Variants in KAZN observed in about 807,000 individuals in gnomAD.
KAZN encodes kazrin, periplakin interacting protein, also known as kazrin.
In KAZN, 40 loss-of-function variants were observed where a neutral mutation model predicts 87.4. The observed-to-expected ratio is 0.46, with a 90% CI of 0.36 to 0.60. The LOEUF is 0.60. KAZN is among the 20% of genes least tolerant of loss of function. KAZN has a pLI of 0.00. For missense variants in KAZN, 898 were observed against 1,073.9 expected, an observed-to-expected ratio of 0.84 and a Z score of 2.29; for synonymous variants, 466 against 458.3, an observed-to-expected ratio of 1.02 and a Z score of -0.22.
At chr1:14,189,352 G>A (rs1646376951) in intron 2 of KAZN, among the ~76,000 whole-genome samples, 1 of 152,138 alleles carries the variant, frequency 6.6e-6, no homozygotes, top group African/African-American at 2.4e-5. Context: ...AAAACAAAGA[G>A]GAGCTCATGA....
intron 2 of KAZN, among the ~76,000 whole-genome samples, chr1:14,444,623 T>C (rs1027715361): frequency 9.2e-5 from 14 of 152,268 alleles, no homozygotes; most frequent in African/African-American, 3.1e-4. Context: ...CGATTCTTTT[T>C]TCTGCTCTAT....
intron 3 of KAZN, among the ~76,000 whole-genome samples, chr1:15,042,523 T>G (rs368395900): frequency 1.9e-4 from 29 of 152,132 alleles, no homozygotes; most frequent in African/African-American, 6.3e-4. Context: ...GGGAGCCCAG[T>G]CCTGTGCAGA....
intron 2 of KAZN, among the ~76,000 whole-genome samples, chr1:14,583,655 G>A (rs1675683757): frequency 2.0e-5 from 3 of 152,192 alleles, no homozygotes; most frequent in Admixed American, 1.3e-4. Flanking sequence ...GCAGCAGAGG[G>A]TGATAGCTGG....
intron 2 of KAZN, among the ~76,000 whole-genome samples, chr1:14,299,008 G>C (rs1257434917): frequency 1.3e-5 from 2 of 152,126 alleles, no homozygotes; most frequent in Non-Finnish European, 2.9e-5. Context: ...GGTGGCAGGT[G>C]GCGTGGCTAT....
At chr1:14,633,929 G>T (rs985363799) in intron 1 of KAZN, among the ~76,000 whole-genome samples, 2 of 152,048 alleles carry the variant, frequency 1.3e-5, no homozygotes, top group Admixed American at 1.3e-4. Context: ...GGAGAGAGAT[G>T]AAAAATACCA....
At chr1:14,743,491 A>G (rs1644172826) in intron 1 of KAZN, among the ~76,000 whole-genome samples, 1 of 152,156 alleles carries the variant, frequency 6.6e-6, no homozygotes, top group South Asian at 2.1e-4. Flanking sequence ...TCACTGCAAC[A>G]GTGAGACTGA....
chr1:14,413,667 A>G (rs1664504007), intron 2 of KAZN, among the ~76,000 whole-genome samples: 1 of 151,218 alleles, frequency 6.6e-6, no homozygotes, highest in Non-Finnish European at 1.5e-5. Flanking sequence ...ACCTCTTGGT[A>G]GAGAATTGCT....
At chr1:14,326,372 T>A (rs76912197) in intron 2 of KAZN, among the ~76,000 whole-genome samples, 7,999 of 152,186 alleles carry the variant, frequency 0.053, 343 homozygotes, top group East Asian at 0.14. Context: ...CAAAATATTA[T>A]TATATCCAGA....
intron 2 of KAZN, among the ~76,000 whole-genome samples, chr1:14,961,593 T>A (rs1663875022): frequency 6.6e-6 from 1 of 152,178 alleles, no homozygotes; most frequent in South Asian, 2.1e-4. Context: ...AACCTGTCAG[T>A]GGACTCCACA....
intron 1 of KAZN, among the ~76,000 whole-genome samples, chr1:13,919,509 CA>C (rs1639985007): frequency 6.6e-6 from 1 of 152,200 alleles, no homozygotes; most frequent in South Asian, 2.1e-4. Context: ...CATGACAATG[CA>C]TTCTTTTCCA....
intron 1 of KAZN, among the ~76,000 whole-genome samples, chr1:14,904,636 A>T (rs1656304632): frequency 6.6e-6 from 1 of 152,238 alleles, no homozygotes; most frequent in South Asian, 2.1e-4. Context: ...AGGTCTCACC[A>T]CCAGGTACAA....
chr1:14,386,527 A>G (rs1431261564), intron 2 of KAZN, among the ~76,000 whole-genome samples: 1 of 150,698 alleles, frequency 6.6e-6, no homozygotes, highest in African/African-American at 2.5e-5. Context: ...AAAATCTCTC[A>G]GCATTTGCTT....
rs571147347 is a variant in KAZN, at chr1:14,546,434, C to T, written c.250-52549C>T. 4.5e-4 allele frequency among the ~76,000 whole-genome samples: 68 copies of T among 151,056 alleles called. 1 individual carries two copies. The highest frequency in any genetic ancestry group is 3.4e-3 in the Middle Eastern group (1 of 292). ...CTGTCAACTAGTTTAATGTGAGGGC[C>T]TTTTTTTTTCCATCCTTTATGGGGG... On this transcript the variant is annotated intron_variant, in intron 2 of 16. Coordinates refer to the KAZN transcript ENST00000636203.
chr1:14,725,927 A>G (rs1317564899), intron 1 of KAZN, among the ~76,000 whole-genome samples: 2 of 152,152 alleles, frequency 1.3e-5, no homozygotes, highest in African/African-American at 4.8e-5. Context: ...TAGGGGAGGG[A>G]AGCGGATGGG....
chr1:13,928,228 T>C (rs1640360734), intron 1 of KAZN, among the ~76,000 whole-genome samples: 1 of 152,244 alleles, frequency 6.6e-6, no homozygotes, highest in African/African-American at 2.4e-5. Context: ...CTTTCTCATA[T>C]AGTTAAGAAA....
intron 2 of KAZN, among the ~76,000 whole-genome samples, chr1:14,195,868 A>T (rs1469926862): frequency 6.6e-6 from 1 of 152,186 alleles, no homozygotes; most frequent in African/African-American, 2.4e-5. Flanking sequence ...CCTAGGCGGG[A>T]GAGATAAAAA....
intron 1 of KAZN, among the ~76,000 whole-genome samples, chr1:14,609,606 AC>A (rs1677652003): frequency 6.6e-6 from 1 of 152,300 alleles, no homozygotes; most frequent in Non-Finnish European, 1.5e-5. Context: ...GATGCTCAGC[AC>A]CCTTTTTTCA....
chr1:14,175,733 T>C (rs1646058914), intron 1 of KAZN, among the ~76,000 whole-genome samples: 1 of 152,166 alleles, frequency 6.6e-6, no homozygotes, highest in Non-Finnish European at 1.5e-5. Context: ...GTTTTGTTAA[T>C]AGTAATGTCT....
In KAZN at chr1:15,081,279, C is replaced by A. The variant is rs1014352868; in HGVS notation, c.1223-12901C>A. Reference sequence around the variant, plus strand: ...AACTCCACGTCCAGTGACAGCCTGCCGGTCACTGAAATTGGCCACAATAGG... The same window carrying A: ...AACTCCACGTCCAGTGACAGCCTGCAGGTCACTGAAATTGGCCACAATAGG... On this transcript the variant is annotated intron_variant, in intron 8 of 14. Coordinates refer to ENST00000376030, the MANE Select transcript of KAZN (RefSeq NM_201628.3). The surrounding 1 kb of genome is among the most constrained non-coding windows in gnomAD (Gnocchi z 4.1). Among the ~76,000 whole-genome samples the A allele has an allele frequency of 6.6e-6, 1 of 152,196 alleles. No homozygotes were observed. The highest frequency in any genetic ancestry group is 2.4e-5 in the African/African-American group (1 of 41,452).
Sources: allele counts gnomAD v4.1 joint callset (sites outside exome capture counted in the v4.1 genomes callset), GRCh38; gene constraint gnomAD v4.1.1; non-coding constraint Gnocchi (gnomAD v3.1); transcripts MANE v1.5; gene names NCBI Gene and HGNC (gene_info 2026-07-23, HGNC 2026-07-21).